Variants in NLGN1 observed in about 807,000 individuals in gnomAD.
NLGN1 encodes neuroligin 1, also known as neuroligin-1.
In NLGN1, 12 loss-of-function variants were observed where a neutral mutation model predicts 65.5. The ratio of observed to expected loss-of-function variants is 0.18; its 90% CI spans 0.12 to 0.30. NLGN1 has a LOEUF of 0.30. NLGN1 is among the 10% of genes least tolerant of loss of function. NLGN1 has a pLI of 1.00. For synonymous variants in NLGN1, 350 were observed against 359.5 expected (o/e 0.97, Z 0.30); for missense variants, 750 against 1,007.1 (o/e 0.74, Z 3.46).
intron 4 of NLGN1, among the ~76,000 whole-genome samples, chr3:174,219,677 G>A (rs1384411694): frequency 6.6e-6 from 1 of 152,128 alleles, no homozygotes; most frequent in Non-Finnish European, 1.5e-5. Flanking sequence ...AAAGCAGGTT[G>A]GTGTGTGTTC....
chr3:173,426,934 T>C (rs1213683992), intron 1 of NLGN1, among the ~76,000 whole-genome samples: 3 of 152,042 alleles, frequency 2.0e-5, no homozygotes, highest in African/African-American at 4.8e-5. Context: ...TGGTAAAACT[T>C]AGCAATGAAA....
intron 4 of NLGN1, among the ~76,000 whole-genome samples, chr3:174,134,602 C>CTGAA (rs1720864937): frequency 6.6e-6 from 1 of 152,068 alleles, no homozygotes; most frequent in Non-Finnish European, 1.5e-5. Flanking sequence ...CATGAAGAGG[C>CTGAA]TGAAGCATGT....
chr3:174,249,913 A>G (rs1362207112), intron 4 of NLGN1, among the ~76,000 whole-genome samples: 3 of 152,184 alleles, frequency 2.0e-5, no homozygotes, highest in Admixed American at 2.0e-4. Context: ...GACCTCTGGA[A>G]AGGAGAAGAT....
At position 173,486,194 on chromosome 3, in the gene NLGN1, G is replaced by A. The variant is rs183292581; in HGVS notation, c.-321+51116G>A. On this transcript the variant is annotated intron_variant, in intron 2 of 6. Coordinates refer to ENST00000457714, the Ensembl canonical transcript of NLGN1. ...TGAGTAGCTGGGATTACAGGCATGC[G>A]CCACCACTCCTGGCTTTTTTATTTT... Among the ~76,000 whole-genome samples, 387 of 152,054 alleles carry A rather than the reference G, an allele frequency of 2.5e-3. 2 individuals carry two copies. Among genetic ancestry groups the A allele is most frequent in the African/African-American group, 8.8e-3 (365 of 41,480 alleles).
intron 3 of NLGN1, among the ~76,000 whole-genome samples, chr3:173,707,167 T>C (rs1428492098): frequency 2.0e-5 from 3 of 152,240 alleles, no homozygotes; most frequent in Non-Finnish European, 2.9e-5. Flanking sequence ...CACAGATACT[T>C]CATGATTTGC....
intron 4 of NLGN1, among the ~76,000 whole-genome samples, chr3:174,051,161 A>C (rs1307052773): frequency 6.6e-6 from 1 of 152,078 alleles, no homozygotes; most frequent in African/African-American, 2.4e-5. Flanking sequence ...GTGTTTTCTT[A>C]GATAAAGTAA....
intron 1 of NLGN1, among the ~76,000 whole-genome samples, chr3:173,426,497 G>A (rs907346227): frequency 1.3e-5 from 2 of 151,976 alleles, no homozygotes; most frequent in African/African-American, 4.8e-5. Flanking sequence ...ATGTTTTGGG[G>A]TATGTTTTTT....
At chr3:173,483,421 A>G (rs1384219636) in intron 2 of NLGN1, among the ~76,000 whole-genome samples, 3 of 152,046 alleles carry the variant, frequency 2.0e-5, no homozygotes, top group African/African-American at 4.8e-5. Flanking sequence ...GAAAATTAGC[A>G]TTAATTGGAA....
chr3:174,083,032 TA>T (rs1181688211), intron 4 of NLGN1, among the ~76,000 whole-genome samples: 2 of 152,216 alleles, frequency 1.3e-5, no homozygotes, highest in African/African-American at 2.4e-5. Flanking sequence ...TGGCCCTGTT[TA>T]TTTTTTTCTA....
chr3:174,144,049 A>G (rs1269813503), intron 4 of NLGN1, among the ~76,000 whole-genome samples: 3 of 152,034 alleles, frequency 2.0e-5, no homozygotes, highest in Non-Finnish European at 2.9e-5. Flanking sequence ...TATTTCTCCT[A>G]ATGCTATCCT....
intron 4 of NLGN1, among the ~76,000 whole-genome samples, chr3:174,021,683 A>G (rs1243395303): frequency 1.3e-5 from 2 of 152,212 alleles, no homozygotes; most frequent in African/African-American, 2.4e-5. Context: ...GTATAAGCAC[A>G]TCTGAGAAAA....
At chr3:174,288,019 A>C (rs943680280), downstream of NLGN1, among the ~76,000 whole-genome samples, 10 of 151,586 alleles carry the variant, frequency 6.6e-5, no homozygotes, top group African/African-American at 2.4e-4. Flanking sequence ...GGCCAATTCT[A>C]TGACTTACTA....
intron 2 of NLGN1, among the ~76,000 whole-genome samples, chr3:173,473,038 A>G (rs1343781994): frequency 6.6e-6 from 1 of 152,174 alleles, no homozygotes; most frequent in Non-Finnish European, 1.5e-5. Context: ...AAATCTGGCA[A>G]TTGTGTATAA....
chr3:173,664,192 A>G (rs1192891405), intron 3 of NLGN1, among the ~76,000 whole-genome samples: 1 of 152,112 alleles, frequency 6.6e-6, no homozygotes, highest in East Asian at 1.9e-4. Context: ...AATAAAAATC[A>G]TACTTTTTTG....
intron 2 of NLGN1, among the ~76,000 whole-genome samples, chr3:173,450,708 G>A (rs1331521187): frequency 1.3e-5 from 2 of 152,134 alleles, no homozygotes; most frequent in African/African-American, 4.8e-5. Flanking sequence ...ACAATCAGAC[G>A]TAGTTTTGGT....
chr3:173,616,549 A>G lies in NLGN1; in HGVS notation c.493+11458A>G, dbSNP rs187773648. Among the ~76,000 whole-genome samples, 54 of 152,268 alleles carry G rather than the reference A, an allele frequency of 3.5e-4. No homozygotes were observed. The East Asian group carries it at 0.01, about 29-fold the overall frequency. ...GATGTAGGCTTCAAATAAGTGAGGT[A>G]TTACTAATTGGGAATCTATAGAAGC... On this transcript the variant is annotated intron_variant, in intron 3 of 6. Transcript: ENST00000457714.
chr3:174,102,283 T>G (rs80084518), intron 4 of NLGN1, among the ~76,000 whole-genome samples: 2 of 151,896 alleles, frequency 1.3e-5, no homozygotes, highest in Admixed American at 1.3e-4. Flanking sequence ...AAGATGTTCA[T>G]TTTTTTTCCT....
chr3:174,120,560 T>G (rs1717558459), intron 4 of NLGN1, among the ~76,000 whole-genome samples: 2 of 152,112 alleles, frequency 1.3e-5, no homozygotes, highest in Non-Finnish European at 2.9e-5. Flanking sequence ...CACCTGGTCA[T>G]CTCATAAATT....
rs185129879 is a variant in NLGN1 at position 174,279,775 on chromosome 3, T to C, written c.1649+125T>C. On this transcript the variant is annotated intron_variant, in intron 6 of 6. Coordinates refer to ENST00000457714, the Ensembl canonical transcript of NLGN1. This position sits in a 1 kb window ranked among gnomAD's most constrained non-coding sequence, Gnocchi z 4.7. ...ATACCTGCAAGATATTACATTCCTT[T>C]ATTCAAAATTAATTCTATATTATGG... 1.0e-4 allele frequency: 62 copies of C among 608,140 alleles called. 1 individual carries two copies. The East Asian group carries it at 1.7e-3, about 16-fold the overall frequency. 37.7% of individuals were successfully genotyped at this position (608,140 alleles called of 1,614,324 possible). A position where few individuals can be genotyped will look rare whatever the true frequency, so the allele number is the denominator to read the frequency against.
Sources: gnomAD v4.1 joint callset for allele counts (sites outside exome capture counted in the v4.1 genomes callset) on GRCh38, gnomAD v4.1.1 for gene constraint, Gnocchi (gnomAD v3.1) non-coding constraint, MANE v1.5 for transcripts, NCBI Gene and HGNC (gene_info 2026-07-23, HGNC 2026-07-21) for gene names.